SNTB1: variants seen among roughly 807,000 people sequenced by gnomAD.
The protein encoded by SNTB1 is syntrophin beta 1.
A neutral mutation model predicts 48.9 loss-of-function variants in SNTB1; 36 were observed. That is an observed-to-expected ratio of 0.74 (90% confidence interval 0.56 to 0.97). The LOEUF is 0.97. SNTB1 is among the 50% of genes least tolerant of loss of function. The pLI, the probability that SNTB1 is intolerant of heterozygous loss-of-function variation, is 0.00. For missense variants in SNTB1, 786 were observed against 703.4 expected, an observed-to-expected ratio of 1.12 and a Z score of -1.33; for synonymous variants, 299 against 294.6, an observed-to-expected ratio of 1.01 and a Z score of -0.15.
chr8:120,546,979 A>G (rs1586987742), intron 5 of SNTB1, among the ~76,000 whole-genome samples: 1 of 152,308 alleles, frequency 6.6e-6, no homozygotes, highest in African/African-American at 2.4e-5. Context: ...TGTAGAAACT[A>G]CAGTGGACAA....
rs372401198 is a variant in SNTB1, at chr8:120,741,613, C to CCAAA, written c.572-47709_572-47706dup. On this transcript the variant is annotated intron_variant, in intron 1 of 6. Transcript: ENST00000517992. ...GATGTGACAGAGCCAGAGTCCCTCT[C>CCAAA]CAAACAAACAAACACACAAACAAAG... is the stretch of plus-strand genomic sequence containing the variant. Among the ~76,000 whole-genome samples the CCAAA allele has an allele frequency of 3.2e-3, 490 of 152,202 alleles. 4 individuals carry two copies. Among genetic ancestry groups the CCAAA allele is most frequent in the African/African-American group, 0.011 (469 of 41,522 alleles).
intron 1 of SNTB1, among the ~76,000 whole-genome samples, chr8:120,706,058 C>A (rs1031017854): frequency 1.3e-5 from 2 of 151,154 alleles, no homozygotes; most frequent in African/African-American, 4.9e-5. Context: ...AGGATTGTTA[C>A]AAGGATTAAA....
intron 4 of SNTB1, 58 bp downstream of exon 4, chr8:120,575,028 A>C: frequency 6.2e-7 from 1 of 1,609,984 alleles, no homozygotes; most frequent in African/African-American, 1.3e-5. Context: ...GCTAATTGTA[A>C]TTCATTAAAT....
intron 3 of SNTB1, 57 bp downstream of exon 3, chr8:120,632,387 G>T: frequency 1.4e-6 from 2 of 1,480,124 alleles, no homozygotes; most frequent in South Asian, 1.2e-5. Flanking sequence ...TAGTGGTTAT[G>T]AGCGCTGGGG....
intron 2 of SNTB1, among the ~76,000 whole-genome samples, chr8:120,641,883 C>T (rs1817202471): frequency 1.3e-5 from 2 of 152,100 alleles, no homozygotes. Context: ...TTTTTGTTTG[C>T]TTTCATTTTT....
chr8:120,606,358 G>T lies in SNTB1; in HGVS notation c.996+26086C>A, dbSNP rs193263146. Among the ~76,000 whole-genome samples the T allele has an allele frequency of 2.6e-3, 356 of 136,218 alleles. 1 individual carries two copies. Among genetic ancestry groups the T allele is most frequent in the African/African-American group, 9.0e-3 (348 of 38,746 alleles). The allele number at this position is 136,218 out of a possible 152,430, so 89.4% of individuals were successfully genotyped here. On this transcript the variant is annotated intron_variant, in intron 3 of 6. Coordinates refer to ENST00000517992, the MANE Select transcript of SNTB1 (RefSeq NM_021021.4). ...AAATATGATATACTTTATAAATATA[G>T]TTGTATATTTATGTCAGTATAAAAT...
chr8:120,745,222 A>C (rs1451374298), intron 1 of SNTB1, among the ~76,000 whole-genome samples: 1 of 152,000 alleles, frequency 6.6e-6, no homozygotes, highest in Admixed American at 6.6e-5. Context: ...TGCAGCTTTC[A>C]TCAGCCCCTG....
chr8:120,655,658 AT>A (rs35275353), intron 2 of SNTB1, among the ~76,000 whole-genome samples: 1 of 152,168 alleles, frequency 6.6e-6, no homozygotes, highest in East Asian at 1.9e-4. Context: ...CAGGGAACAT[AT>A]TTTATGTTGG....
At chr8:120,631,269 G>T (rs1477891968) in intron 3 of SNTB1, among the ~76,000 whole-genome samples, 2 of 152,088 alleles carry the variant, frequency 1.3e-5, no homozygotes, top group Non-Finnish European at 2.9e-5. Flanking sequence ...ACTCATGAGG[G>T]CTACGGGTGG....
chr8:120,695,365 T>C (rs1304381776), intron 1 of SNTB1, among the ~76,000 whole-genome samples: 1 of 152,194 alleles, frequency 6.6e-6, no homozygotes, highest in African/African-American at 2.4e-5. Flanking sequence ...GTGTATGCTG[T>C]TGGTGTCCCA....
At chr8:120,571,488 T>G (rs1432466401) in intron 4 of SNTB1, 8 of 34,668 alleles carry the variant, frequency 2.3e-4, no homozygotes, top group Non-Finnish European at 3.1e-4. Context: ...GGTTTTTTTT[T>G]TTTTTTTTTT....
intron 2 of SNTB1, among the ~76,000 whole-genome samples, chr8:120,691,560 C>T (rs1818127893): frequency 6.6e-6 from 1 of 152,114 alleles, no homozygotes; most frequent in Non-Finnish European, 1.5e-5. Flanking sequence ...AGTTCATTCC[C>T]TTATCAAAGG....
At chr8:120,592,047 A>T (rs1816247095) in intron 3 of SNTB1, among the ~76,000 whole-genome samples, 1 of 152,234 alleles carries the variant, frequency 6.6e-6, no homozygotes, top group Non-Finnish European at 1.5e-5. Context: ...TATACAGTTG[A>T]TCCCATTCAT....
rs762352897 is a variant in SNTB1 at position 120,693,790 on chromosome 8, C to CG, written c.689dup (p.Ser231ValfsTer31). On this transcript the variant is annotated frameshift_variant, in exon 2 of 7. Coordinates refer to ENST00000517992, the MANE Select transcript of SNTB1 (RefSeq NM_021021.4). LOFTEE classifies it high-confidence loss of function. ...TGTGGAAGGAGAAGGACTGCGATGA[C>CG]GGGGGGTCTGAGGTGCTGCCCCCTA... 5.6e-6 allele frequency: 9 copies of CG among 1,613,876 alleles called. No individual in the cohort carries two copies. Among genetic ancestry groups the CG allele is most frequent in the South Asian group, 1.1e-5 (1 of 91,060 alleles).
intron 2 of SNTB1, among the ~76,000 whole-genome samples, chr8:120,673,693 G>A (rs1187294638): frequency 6.6e-6 from 1 of 151,924 alleles, no homozygotes; most frequent in African/African-American, 2.4e-5. Context: ...AGGGCCTCTT[G>A]CTCTACTATG....
chr8:120,650,319 G>A (rs1264165120), intron 2 of SNTB1, among the ~76,000 whole-genome samples: 1 of 152,190 alleles, frequency 6.6e-6, no homozygotes, highest in African/African-American at 2.4e-5. Flanking sequence ...CAACACGTGA[G>A]AGCAGCATGA....
At chr8:120,580,338 G>A (rs980344522) in intron 3 of SNTB1, among the ~76,000 whole-genome samples, 2 of 152,210 alleles carry the variant, frequency 1.3e-5, no homozygotes, top group African/African-American at 4.8e-5. Flanking sequence ...CCAGCTGAGG[G>A]ACGTGAACAG....
At chr8:120,583,557 A>ACG (rs1316290860) in intron 3 of SNTB1, among the ~76,000 whole-genome samples, 2 of 133,710 alleles carry the variant, frequency 1.5e-5, no homozygotes, top group African/African-American at 5.4e-5. Flanking sequence ...ACACACACAC[A>ACG]CACAAAACTG....
chr8:120,580,066 C>G (rs1816018737), intron 3 of SNTB1, among the ~76,000 whole-genome samples: 1 of 152,170 alleles, frequency 6.6e-6, no homozygotes. Flanking sequence ...CTTCAAAATC[C>G]AATCATCTGT....
Sources: allele counts gnomAD v4.1 joint callset (sites outside exome capture counted in the v4.1 genomes callset), GRCh38; gene constraint gnomAD v4.1.1; transcripts MANE v1.5; gene names NCBI Gene and HGNC (gene_info 2026-07-23, HGNC 2026-07-21).